The following MGLL variants were observed in gnomAD, a reference collection of about 807,000 sequenced individuals.
MGLL encodes the protein lysophospholipase homolog.
Under a neutral mutation model 29.1 loss-of-function variants are expected in MGLL, and 7 were observed. The ratio of observed to expected loss-of-function variants is 0.24; its 90% CI spans 0.14 to 0.45. The LOEUF is 0.45. MGLL is among the 20% of genes least tolerant of loss of function. The probability of loss-of-function intolerance (pLI) is 0.99; values close to 1 mark genes in which losing one functional copy is unlikely to be tolerated. For missense variants in MGLL, 356 were observed against 413.6 expected, an observed-to-expected ratio of 0.86 and a Z score of 1.21; for synonymous variants, 148 against 168.3, an observed-to-expected ratio of 0.88 and a Z score of 0.93.
intron 3 of MGLL, among the ~76,000 whole-genome samples, chr3:127,773,823 G>C (rs2076988802): frequency 6.6e-6 from 1 of 152,094 alleles, no homozygotes; most frequent in East Asian, 1.9e-4. Context: ...TTTTATCTCT[G>C]TGTCTCTCCA....
intron 3 of MGLL, among the ~76,000 whole-genome samples, chr3:127,746,821 C>T (rs1389539190): frequency 5.3e-5 from 8 of 152,198 alleles, no homozygotes; most frequent in Admixed American, 5.2e-4. Flanking sequence ...AATCTCCCTC[C>T]AGCCCAGTGC....
At chr3:127,771,101 A>C (rs73203076) in intron 3 of MGLL, among the ~76,000 whole-genome samples, 21,143 of 152,166 alleles carry the variant, frequency 0.14, 1,646 homozygotes, top group Middle Eastern at 0.24. Context: ...TTAAACCCCC[A>C]TCTGCCTATG....
At chr3:127,693,878 C>T (rs144908029) in intron 7 of MGLL, among the ~76,000 whole-genome samples, 131 of 152,290 alleles carry the variant, frequency 8.6e-4, no homozygotes, top group African/African-American at 2.4e-3. Flanking sequence ...ACAATCTTAG[C>T]GGACTCCTTT....
chr3:127,816,947 C>T (rs78696395), intron 2 of MGLL, among the ~76,000 whole-genome samples: 7,289 of 152,324 alleles, frequency 0.048, 238 homozygotes, highest in Non-Finnish European at 0.073. Context: ...GTTCCCCTTG[C>T]AGCACCTAGC....
chr3:127,710,795 A>C, intron 5 of MGLL, 130 bp from the exon 6 acceptor site: 1 of 834,150 alleles, frequency 1.2e-6, no homozygotes, highest in Non-Finnish European at 2.0e-6. Context: ...TCGTCTCCCA[A>C]GCCTGCGTCC....
At chr3:127,702,803 T>C (rs1235015132) in intron 6 of MGLL, among the ~76,000 whole-genome samples, 1 of 152,168 alleles carries the variant, frequency 6.6e-6, no homozygotes, top group African/African-American at 2.4e-5. Flanking sequence ...CAAATGATTC[T>C]CCTGCCTCAG....
chr3:127,788,888 A>G (rs991029101), intron 2 of MGLL, among the ~76,000 whole-genome samples: 2 of 152,238 alleles, frequency 1.3e-5, no homozygotes, highest in Non-Finnish European at 1.5e-5. Flanking sequence ...AATGAATGAA[A>G]TGCATCAGAG....
intron 2 of MGLL, among the ~76,000 whole-genome samples, chr3:127,791,716 A>G (rs536342503): frequency 7.9e-5 from 12 of 152,338 alleles, no homozygotes; most frequent in Admixed American, 7.8e-4. Context: ...AATTCCTTGA[A>G]CTGCATCGGC....
intron 2 of MGLL, among the ~76,000 whole-genome samples, chr3:127,820,033 G>T (rs1252964231): frequency 1.3e-5 from 2 of 152,154 alleles, no homozygotes; most frequent in Non-Finnish European, 2.9e-5. Flanking sequence ...GTTCATACAT[G>T]CTCATGGTTC....
At chr3:127,723,083 C>T (rs1264323510) in intron 3 of MGLL, among the ~76,000 whole-genome samples, 3 of 152,220 alleles carry the variant, frequency 2.0e-5, no homozygotes, top group Non-Finnish European at 4.4e-5. Context: ...ATGTAGTCAT[C>T]GGGTGTGCTT....
rs1464060126 is a variant in MGLL, at chr3:127,689,120, G to C, written c.*3078C>G. On this transcript the variant is annotated 3_prime_UTR_variant, in exon 8 of 8. Coordinates refer to ENST00000265052, the MANE Select transcript of MGLL (RefSeq NM_007283.7). Reference sequence around the variant, plus strand: ...GCTGTAGTGTACACTGATTCCTTTAGCTCTAAATGGATACATATGTGCCCC... The same window carrying C: ...GCTGTAGTGTACACTGATTCCTTTACCTCTAAATGGATACATATGTGCCCC... 6.6e-6 allele frequency: 1 copy of C among 152,232 alleles called. No individual in the cohort carries two copies. Among genetic ancestry groups the C allele is most frequent in the African/African-American group, 2.4e-5 (1 of 41,456 alleles). The allele number at this position is 152,232 out of a possible 1,614,324, so 9.4% of individuals were successfully genotyped here.
chr3:127,816,478 G>A (rs539893198), intron 2 of MGLL, among the ~76,000 whole-genome samples: 4 of 152,324 alleles, frequency 2.6e-5, no homozygotes, highest in East Asian at 1.9e-4. Flanking sequence ...GTTCACCTCC[G>A]GATGGATCCA....
At chr3:127,726,203 A>ACAGAAGGAAGGAAAGAG in intron 3 of MGLL, among the ~76,000 whole-genome samples, 1 of 125,310 alleles carries the variant, frequency 8.0e-6, no homozygotes, top group African/African-American at 2.6e-5. Context: ...AGAAAGAAAG[A>ACAGAAGGAAGGAAAGAG]AAGACAGAAG....
chr3:127,736,168 T>G (rs1364643317), intron 3 of MGLL: 6 of 1,055,878 alleles, frequency 5.7e-6, no homozygotes, highest in Non-Finnish European at 6.8e-6. Context: ...AACCCAAGTT[T>G]CACTTCTGCT....
At chr3:127,763,608 G>A (rs2076803704) in intron 3 of MGLL, among the ~76,000 whole-genome samples, 1 of 152,192 alleles carries the variant, frequency 6.6e-6, no homozygotes, top group Non-Finnish European at 1.5e-5. Context: ...AGCCCCACCT[G>A]GACCTGTGCT....
chr3:127,813,242 C>T (rs1474286849), intron 2 of MGLL, among the ~76,000 whole-genome samples: 2 of 152,020 alleles, frequency 1.3e-5, no homozygotes, highest in African/African-American at 4.8e-5. Context: ...CACTTTCTTC[C>T]GACTCTTGTT....
At chr3:127,722,646 A>T (rs2075952263) in intron 3 of MGLL, 80 bp from the exon 4 acceptor site, 1 of 1,585,996 alleles carries the variant, frequency 6.3e-7, no homozygotes, top group Non-Finnish European at 8.7e-7. Flanking sequence ...CCTCACTGCA[A>T]TCGCTCTCTC....
chr3:127,804,389 C>T (rs983175621), intron 2 of MGLL, among the ~76,000 whole-genome samples: 1 of 152,234 alleles, frequency 6.6e-6, no homozygotes, highest in Non-Finnish European at 1.5e-5. Context: ...GACCACTGAT[C>T]GCTTCTGCTC....
chr3:127,747,860 G>A (rs767043186), intron 3 of MGLL, among the ~76,000 whole-genome samples: 1 of 152,154 alleles, frequency 6.6e-6, no homozygotes, highest in African/African-American at 2.4e-5. Flanking sequence ...CCAGACTCCT[G>A]AGCCTGCACA....
Sources: gnomAD v4.1 joint callset for allele counts (sites outside exome capture counted in the v4.1 genomes callset) on GRCh38, gnomAD v4.1.1 for gene constraint, MANE v1.5 for transcripts, NCBI Gene and HGNC (gene_info 2026-07-23, HGNC 2026-07-21) for gene names.